TF: variants seen among roughly 807,000 people sequenced by gnomAD.
TF encodes serotransferrin.
A neutral mutation model predicts 82.4 loss-of-function variants in TF; 55 were observed. That is an observed-to-expected ratio of 0.67 (90% CI 0.54 to 0.84). TF has a LOEUF of 0.84. TF is among the 40% of genes least tolerant of loss of function. The pLI is 0.00. For synonymous variants in TF, 332 were observed against 332.6 expected, an observed-to-expected ratio of 1.00 and a Z score of 0.02; for missense variants, 737 against 868.4, an observed-to-expected ratio of 0.85 and a Z score of 1.90.
chr3:133,679,039 A>C, the TF span, among the ~76,000 whole-genome samples: 1 of 151,808 alleles, frequency 6.6e-6, no homozygotes, highest in Non-Finnish European at 1.5e-5. Flanking sequence ...CACCTGGCTA[A>C]TTTTTGTGTT....
chr3:133,759,310 A>G lies in TF; in HGVS notation c.1184A>G (p.Asp395Gly). The change falls in exon 9 of 17, where the codon GAC becomes GGC. Residue 395 changes from aspartate to glycine, a missense_variant. Coordinates refer to ENST00000402696, the MANE Select transcript of TF (RefSeq NM_001063.4). ...IECVSAETTE[D>G]CIAKIMNGEA... ...TGTGTATCAGCAGAGACCACCGAAG[A>G]CTGCATCGCCAAGATCATGGTATGT... The G allele has an allele frequency of 6.2e-7, 1 of 1,613,660 alleles. No homozygotes were observed. The highest frequency in any genetic ancestry group is 8.5e-7 in the Non-Finnish European group (1 of 1,179,968).
the TF span, among the ~76,000 whole-genome samples, chr3:133,734,963 A>G: frequency 6.6e-6 from 1 of 152,234 alleles, no homozygotes; most frequent in South Asian, 2.1e-4. Context: ...GAGATTTAAG[A>G]GTTAAATGTA....
the TF span, among the ~76,000 whole-genome samples, chr3:133,734,803 TAA>T: frequency 5.8e-3 from 842 of 145,088 alleles, 6 homozygotes; most frequent in African/African-American, 0.015. Flanking sequence ...GAGAGTTTCT[TAA>T]AAAAAAAAAA....
the TF span, among the ~76,000 whole-genome samples, chr3:133,676,391 G>A: frequency 1.1e-4 from 16 of 152,212 alleles, no homozygotes; most frequent in Admixed American, 3.9e-4. Flanking sequence ...GCGAGGGTGG[G>A]CTCCTCCAGG....
chr3:133,747,289 T>C (rs41298281), intron 1 of TF: 1 of 152,512 alleles, frequency 6.6e-6, no homozygotes, highest in East Asian at 1.9e-4. Context: ...TGCAAGGTAA[T>C]GCTCCACTGA....
chr3:133,681,571 A>G, the TF span, among the ~76,000 whole-genome samples: 1 of 152,292 alleles, frequency 6.6e-6, no homozygotes, highest in East Asian at 1.9e-4. Context: ...CATGGCTCAG[A>G]GGGTCCTACA....
chr3:133,684,631 A>AC, the TF span, among the ~76,000 whole-genome samples: 1 of 152,148 alleles, frequency 6.6e-6, no homozygotes, highest in Admixed American at 6.6e-5. Flanking sequence ...CTGGACACAT[A>AC]CCCCCTCCCA....
At chr3:133,675,437 A>C in the TF span, among the ~76,000 whole-genome samples, 2 of 152,142 alleles carry the variant, frequency 1.3e-5, no homozygotes, top group African/African-American at 4.8e-5. Context: ...CTAAGTTTAA[A>C]ACATTTTATT....
the TF span, among the ~76,000 whole-genome samples, chr3:133,690,635 G>C: frequency 1.3e-4 from 20 of 152,316 alleles, no homozygotes; most frequent in African/African-American, 4.8e-4. Context: ...GAGAGAGGGA[G>C]AGATATGTTA....
chr3:133,693,024 G>C, the TF span: 1 of 152,436 alleles, frequency 6.6e-6, no homozygotes, highest in Non-Finnish European at 1.5e-5. Flanking sequence ...TCATTGTGAA[G>C]TGTATGTGTC....
At chr3:133,676,917 C>T in the TF span, among the ~76,000 whole-genome samples, 1 of 152,250 alleles carries the variant, frequency 6.6e-6, no homozygotes, top group Non-Finnish European at 1.5e-5. Context: ...CATCTTCCCT[C>T]CTTCTTGGCT....
chr3:133,714,938 C>T, the TF span, among the ~76,000 whole-genome samples: 529 of 152,308 alleles, frequency 3.5e-3, 5 homozygotes, highest in African/African-American at 0.012. Context: ...CCGCCTCGGC[C>T]TCCCAAAGTG....
chr3:133,730,036 T>C, the TF span, among the ~76,000 whole-genome samples: 21 of 152,336 alleles, frequency 1.4e-4, no homozygotes, highest in African/African-American at 4.8e-4. Context: ...TGCTTTTTCA[T>C]GTTTCTTATG....
the TF span, among the ~76,000 whole-genome samples, chr3:133,665,476 AAAAAAG>A: frequency 6.6e-5 from 10 of 151,386 alleles, no homozygotes; most frequent in Non-Finnish European, 1.0e-4. Context: ...TCAAAAAAAA[AAAAAAG>A]AAAAAAGAAA....
At chr3:133,735,898 G>A in the TF span, among the ~76,000 whole-genome samples, 1 of 152,124 alleles carries the variant, frequency 6.6e-6, no homozygotes, top group African/African-American at 2.4e-5. Context: ...TATTATCCAG[G>A]AGAACTTCCC....
At chr3:133,676,472 C>T in the TF span, among the ~76,000 whole-genome samples, 1 of 152,198 alleles carries the variant, frequency 6.6e-6, no homozygotes, top group Admixed American at 6.5e-5. Context: ...AAGAGCCCTC[C>T]CTGGCTCAGC....
At chr3:133,759,980 T>C (rs1008868258) in intron 9 of TF, among the ~76,000 whole-genome samples, 9 of 152,146 alleles carry the variant, frequency 5.9e-5, no homozygotes, top group Non-Finnish European at 1.0e-4. Context: ...TGCTACCTTT[T>C]ACTCACTCAC....
chr3:133,669,924 C>T, the TF span, among the ~76,000 whole-genome samples: 1 of 152,186 alleles, frequency 6.6e-6, no homozygotes, highest in African/African-American at 2.4e-5. Context: ...CCCTCATAGA[C>T]CCTATTTCCT....
the TF span, among the ~76,000 whole-genome samples, chr3:133,738,834 A>C: frequency 6.6e-6 from 1 of 152,244 alleles, no homozygotes; most frequent in South Asian, 2.1e-4. Context: ...AAATGGAAAA[A>C]CATTCCATGC....
Sources: gnomAD v4.1 joint callset for allele counts (sites outside exome capture counted in the v4.1 genomes callset) on GRCh38, gnomAD v4.1.1 for gene constraint, MANE v1.5 for transcripts, NCBI Gene and HGNC (gene_info 2026-07-23, HGNC 2026-07-21) for gene names.